The following PPP2R5E variants were observed in gnomAD, a reference collection of about 807,000 sequenced individuals.
PPP2R5E encodes the protein serine/threonine-protein phosphatase 2A 56 kDa regulatory subunit epsilon isoform.
In PPP2R5E, 4 loss-of-function variants were observed where a neutral mutation model predicts 65.3. The ratio of observed to expected loss-of-function variants is 0.06; its 90% CI spans 0.03 to 0.14. The LOEUF is 0.14. Among genes scored for constraint, PPP2R5E ranks in the 10% least tolerant of loss-of-function variants. The pLI, the probability that PPP2R5E is intolerant of heterozygous loss-of-function variation, is 1.00. For missense variants in PPP2R5E, 274 were observed against 556.1 expected, an observed-to-expected ratio of 0.49 and a Z score of 5.10; for synonymous variants, 183 against 187.4, an observed-to-expected ratio of 0.98 and a Z score of 0.19.
chr14:63,521,974 CG>C (rs1288411705), intron 2 of PPP2R5E, among the ~76,000 whole-genome samples: 1 of 131,300 alleles, frequency 7.6e-6, no homozygotes, highest in Non-Finnish European at 1.7e-5. Context: ...CCTCTCCCCA[CG>C]GTCTCCCTCT....
chr14:63,453,596 T>A (rs772088441), intron 3 of PPP2R5E, 93 bp downstream of exon 3: 17 of 1,235,740 alleles, frequency 1.4e-5, no homozygotes, highest in Non-Finnish European at 1.8e-5. Context: ...TTTGTGGAGT[T>A]GACCTCCAAT....
At chr14:63,433,042 T>G (rs554897093) in intron 3 of PPP2R5E, among the ~76,000 whole-genome samples, 1,872 of 141,278 alleles carry the variant, frequency 0.013, 37 homozygotes, top group African/African-American at 0.046. Context: ...GTTTTTTTTT[T>G]TTTTTTTTTT....
chr14:63,485,407 T>G (rs1890934281), intron 2 of PPP2R5E, among the ~76,000 whole-genome samples: 1 of 152,082 alleles, frequency 6.6e-6, no homozygotes, highest in Admixed American at 6.6e-5. Context: ...TTGTTTTTTT[T>G]GTTCGTTTTT....
At chr14:63,438,160 G>GC (rs1888034235) in intron 3 of PPP2R5E, among the ~76,000 whole-genome samples, 1 of 152,150 alleles carries the variant, frequency 6.6e-6, no homozygotes, top group Non-Finnish European at 1.5e-5. Flanking sequence ...CCAGATTCTT[G>GC]CCTCAGGCAC....
intron 3 of PPP2R5E, among the ~76,000 whole-genome samples, chr14:63,436,615 C>T (rs575142047): frequency 6.6e-6 from 1 of 152,292 alleles, no homozygotes; most frequent in African/African-American, 2.4e-5. Context: ...TAACATTCCT[C>T]CTTATCCCAA....
At chr14:63,481,363 G>A (rs919455026) in intron 2 of PPP2R5E, among the ~76,000 whole-genome samples, 11 of 151,984 alleles carry the variant, frequency 7.2e-5, no homozygotes, top group African/African-American at 2.2e-4. Flanking sequence ...GGGCGTGGTA[G>A]CGTGCACCTG....
intron 2 of PPP2R5E, among the ~76,000 whole-genome samples, chr14:63,472,395 C>T (rs1890179062): frequency 6.6e-6 from 1 of 152,184 alleles, no homozygotes. Flanking sequence ...TTCTCCTTTG[C>T]ACTAAAGCTG....
chr14:63,515,868 G>A (rs898644995), intron 2 of PPP2R5E, among the ~76,000 whole-genome samples: 2 of 73,324 alleles, frequency 2.7e-5, no homozygotes, highest in African/African-American at 1.1e-4. Context: ...TTTTTTTTTT[G>A]AGACAGAGTC....
In PPP2R5E at chr14:63,449,302, C is replaced by T. The variant is rs146535551; in HGVS notation, c.354+4387G>A. Among the ~76,000 whole-genome samples, 815 of 152,226 alleles carry T rather than the reference C, an allele frequency of 5.4e-3. 9 individuals are homozygous for T. Among genetic ancestry groups the T allele is most frequent in the African/African-American group, 0.018 (762 of 41,550 alleles). ...AATGGAATAAAACACATCTCAGTGA[C>T]GGAGTATTTTAAGTACAAAGAAGTA... On this transcript the variant is annotated intron_variant, in intron 3 of 13. Transcript: ENST00000337537.
chr14:63,394,249 A>AT (rs919363788), intron 7 of PPP2R5E, among the ~76,000 whole-genome samples: 10 of 151,570 alleles, frequency 6.6e-5, no homozygotes, highest in African/African-American at 2.4e-4. Flanking sequence ...TGCCTGGCTA[A>AT]TTTTTTTGTA....
intron 3 of PPP2R5E, among the ~76,000 whole-genome samples, chr14:63,428,916 TTTG>T: frequency 6.6e-6 from 1 of 152,326 alleles, no homozygotes; most frequent in Middle Eastern, 3.4e-3. Flanking sequence ...TGATTGGCAT[TTTG>T]TTGTTAAGGA....
At position 63,480,996 on chromosome 14, in the gene PPP2R5E, A is replaced by G. The variant is rs146928712; in HGVS notation, c.158-27111T>C. ...AAACAAATTCTTTTGCAAATCTAGT[A>G]GTTTATCTGCTTTCAACAATACTGA... is the stretch of plus-strand genomic sequence containing the variant. On this transcript the variant is annotated intron_variant, in intron 2 of 13. Transcript: ENST00000337537. Among the ~76,000 whole-genome samples, 3 of 152,332 alleles carry G rather than the reference A, an allele frequency of 2.0e-5. No individual in the cohort carries two copies. The East Asian group carries it at 5.8e-4, about 29-fold the overall frequency.
chr14:63,382,689 C>G (rs962733247), intron 12 of PPP2R5E, among the ~76,000 whole-genome samples: 10 of 152,174 alleles, frequency 6.6e-5, no homozygotes, highest in Non-Finnish European at 1.5e-4. Flanking sequence ...GCGTGAGCCA[C>G]CACACCTGGC....
At chr14:63,501,926 A>T (rs1223617931) in intron 2 of PPP2R5E, among the ~76,000 whole-genome samples, 20 of 152,022 alleles carry the variant, frequency 1.3e-4, no homozygotes, top group Non-Finnish European at 2.6e-4. Context: ...ACACGGTTTT[A>T]TTCTGTCAGC....
chr14:63,400,805 C>T (rs968273024), intron 5 of PPP2R5E, among the ~76,000 whole-genome samples: 6 of 151,860 alleles, frequency 4.0e-5, no homozygotes, highest in African/African-American at 1.5e-4. Flanking sequence ...CCACCCATTC[C>T]CATTCCAAGG....
intron 13 of PPP2R5E, among the ~76,000 whole-genome samples, chr14:63,379,367 G>C (rs1001166970): frequency 1.3e-5 from 2 of 152,184 alleles, no homozygotes; most frequent in African/African-American, 4.8e-5. Flanking sequence ...CCCTTCCCGG[G>C]TTCAAGTGAT....
chr14:63,505,635 C>A (rs1892125170), intron 2 of PPP2R5E, among the ~76,000 whole-genome samples: 1 of 152,184 alleles, frequency 6.6e-6, no homozygotes, highest in African/African-American at 2.4e-5. Flanking sequence ...ACACACTCTA[C>A]AATCTGAATC....
chr14:63,462,140 G>A (rs1372191333), intron 2 of PPP2R5E, among the ~76,000 whole-genome samples: 2 of 150,868 alleles, frequency 1.3e-5, no homozygotes, highest in African/African-American at 4.9e-5. Flanking sequence ...GTGCAATCTC[G>A]GCTCACTGCA....
At chr14:63,460,413 T>A (rs1354432017) in intron 2 of PPP2R5E, among the ~76,000 whole-genome samples, 2 of 152,168 alleles carry the variant, frequency 1.3e-5, no homozygotes, top group Non-Finnish European at 2.9e-5. Context: ...ATGATAATGG[T>A]GATGATCATG....
Sources: allele counts gnomAD v4.1 joint callset (sites outside exome capture counted in the v4.1 genomes callset), GRCh38; gene constraint gnomAD v4.1.1; transcripts MANE v1.5; gene names NCBI Gene and HGNC (gene_info 2026-07-23, HGNC 2026-07-21).